ZFHX3: variants seen among roughly 807,000 people sequenced by gnomAD.
The protein encoded by ZFHX3 is zinc finger homeobox 3, also known as zinc finger homeobox protein 3.
A neutral mutation model predicts 279.1 loss-of-function variants in ZFHX3; 42 were observed. The ratio of observed to expected loss-of-function variants is 0.15; its 90% confidence interval spans 0.12 to 0.19. The LOEUF (loss-of-function observed/expected upper bound fraction) is 0.19, where lower values mean the gene tolerates loss of function less well. Ranked by LOEUF, ZFHX3 falls within the 10% of genes least tolerant of loss-of-function variation. ZFHX3 has a pLI of 1.00. For missense variants in ZFHX3, 4,981 were observed against 4,754.0 expected, an observed-to-expected ratio of 1.05 and a Z score of -1.40; for synonymous variants, 2,293 against 1,957.8, an observed-to-expected ratio of 1.17 and a Z score of -4.52.
chr16:73,131,059 G>T, exon 7 of ZFHX3: 6 of 1,174,018 alleles, frequency 5.1e-6, no homozygotes, highest in Non-Finnish European at 6.9e-6. Flanking sequence ...TCCCTTGCTG[G>T]CTCTTGTTAA....
intron 4 of ZFHX3, among the ~76,000 whole-genome samples, chr16:73,299,623 C>T (rs566254599): frequency 6.0e-4 from 92 of 152,294 alleles, no homozygotes; most frequent in African/African-American, 1.9e-3. Flanking sequence ...ATGCTGCAGA[C>T]GAAGAGGAAA....
intron 2 of ZFHX3, among the ~76,000 whole-genome samples, chr16:73,583,529 T>C (rs2051883754): frequency 6.6e-6 from 1 of 152,156 alleles, no homozygotes; most frequent in East Asian, 1.9e-4. Context: ...CCCACATAAT[T>C]TGGGATCATC....
At chr16:73,635,653 G>C (rs533092509) in intron 2 of ZFHX3, among the ~76,000 whole-genome samples, 7 of 151,976 alleles carry the variant, frequency 4.6e-5, no homozygotes, top group African/African-American at 1.7e-4. Context: ...CTCTCACCCT[G>C]TGATCTTGAT....
chr16:73,800,515 C>A (rs1425506845), intron 1 of ZFHX3, among the ~76,000 whole-genome samples: 1 of 152,168 alleles, frequency 6.6e-6, no homozygotes, highest in Non-Finnish European at 1.5e-5. Context: ...CCGTGCTGGG[C>A]CTACTATTGT....
intron 3 of ZFHX3, among the ~76,000 whole-genome samples, chr16:73,436,413 A>G (rs558679030): frequency 2.6e-5 from 4 of 152,178 alleles, no homozygotes; most frequent in South Asian, 2.1e-4. Flanking sequence ...CTTACATGGC[A>G]GCAGACAAGA....
chr16:72,917,716 C>T (rs1219032950), intron 3 of ZFHX3, among the ~76,000 whole-genome samples: 3 of 152,072 alleles, frequency 2.0e-5, no homozygotes, highest in East Asian at 1.9e-4. Context: ...ATGACATATA[C>T]CAAAATGTTT....
intron 1 of ZFHX3, chr16:73,014,394 T>C (rs940110337): frequency 8.5e-5 from 13 of 152,068 alleles, no homozygotes; most frequent in Non-Finnish European, 1.5e-5. Flanking sequence ...TAATATTCTA[T>C]GCACACATCG....
chr16:73,059,627 G>C (rs1965655803), exon 1 of ZFHX3: 1 of 150,672 alleles, frequency 6.6e-6, no homozygotes, highest in Non-Finnish European at 1.5e-5. Flanking sequence ...GGGGGCATTA[G>C]TGGAGGGGGA....
intron 3 of ZFHX3, among the ~76,000 whole-genome samples, chr16:73,381,488 T>C (rs1240847580): frequency 3.9e-5 from 6 of 152,174 alleles, no homozygotes; most frequent in Non-Finnish European, 7.3e-5. Flanking sequence ...GGAAAAATCC[T>C]GGGAAAGATC....
At chr16:73,291,653 C>T (rs959829394) in intron 4 of ZFHX3, among the ~76,000 whole-genome samples, 3 of 152,210 alleles carry the variant, frequency 2.0e-5, no homozygotes, top group Non-Finnish European at 4.4e-5. Flanking sequence ...GAGGTCTTAG[C>T]ACCTGGTAAG....
chr16:73,489,045 C>T (rs1028063353), intron 2 of ZFHX3, among the ~76,000 whole-genome samples: 11 of 152,112 alleles, frequency 7.2e-5, no homozygotes, highest in African/African-American at 1.7e-4. Context: ...TGATTATTTT[C>T]GATAGCTATT....
At chr16:73,687,533 T>C (rs2053101813) in intron 1 of ZFHX3, among the ~76,000 whole-genome samples, 1 of 152,052 alleles carries the variant, frequency 6.6e-6, no homozygotes, top group African/African-American at 2.4e-5. Context: ...ATGCCATCAT[T>C]AGCATCCTCT....
chr16:73,121,353 T>C (rs977329517), intron 7 of ZFHX3, among the ~76,000 whole-genome samples: 1 of 152,202 alleles, frequency 6.6e-6, no homozygotes, highest in Non-Finnish European at 1.5e-5. Flanking sequence ...TTTGGACATA[T>C]TGGGTTGAAT....
chr16:72,821,419 C>A (rs1567533207), intron 5 of ZFHX3, among the ~76,000 whole-genome samples: 1 of 152,318 alleles, frequency 6.6e-6, no homozygotes, highest in Middle Eastern at 3.4e-3. Context: ...AATATCAGTG[C>A]TGCTTTCCGT....
chr16:72,844,659 T>G (rs549474635), intron 4 of ZFHX3, among the ~76,000 whole-genome samples: 3 of 152,022 alleles, frequency 2.0e-5, no homozygotes, highest in African/African-American at 4.8e-5. Context: ...GATATCCCCG[T>G]TCTTAGAAAA....
intron 2 of ZFHX3, among the ~76,000 whole-genome samples, chr16:73,672,829 C>T (rs2052917455): frequency 6.6e-6 from 1 of 152,052 alleles, no homozygotes; most frequent in Non-Finnish European, 1.5e-5. Context: ...AATTCTTACA[C>T]ATGAAAACTG....
chr16:73,409,455 A>G (rs150233885), intron 3 of ZFHX3, among the ~76,000 whole-genome samples: 1,965 of 152,344 alleles, frequency 0.013, 21 homozygotes, highest in Middle Eastern at 0.02. Flanking sequence ...TTTATCCAAA[A>G]GACAGGCAAT....
chr16:73,612,695 A>C (rs1437440963), intron 2 of ZFHX3, among the ~76,000 whole-genome samples: 1 of 152,202 alleles, frequency 6.6e-6, no homozygotes, highest in Non-Finnish European at 1.5e-5. Flanking sequence ...CCATCCTATC[A>C]GTGATCAGAA....
chr16:73,601,331 G>A lies in ZFHX3; in HGVS notation c.-1547+78849C>T, dbSNP rs1275075402. On this transcript the variant is annotated intron_variant, in intron 2 of 17. Coordinates refer to the ZFHX3 transcript ENST00000641206. ...AAAAAAAAAAAAAAATTAGCTGGGT[G>A]TGGTGGCACATGCCAGTAATCTCAG... 1.3e-4 allele frequency among the ~76,000 whole-genome samples: 19 copies of A among 150,732 alleles called. No individual in the cohort carries two copies. In the East Asian group the frequency reaches 1.4e-3, roughly 11 times the overall value.
Sources: gnomAD v4.1 joint callset for allele counts (sites outside exome capture counted in the v4.1 genomes callset) on GRCh38, gnomAD v4.1.1 for gene constraint, MANE v1.5 for transcripts, NCBI Gene and HGNC (gene_info 2026-07-23, HGNC 2026-07-21) for gene names.